The following PRUNE2 variants were observed in gnomAD, a reference collection of about 807,000 sequenced individuals.
PRUNE2 encodes prune homolog 2 with BCH domain.
In PRUNE2, 164 loss-of-function variants were observed where a neutral mutation model predicts 252.0. The observed-to-expected ratio is 0.65, with a 90% CI of 0.57 to 0.74. The LOEUF is 0.74. Ranked by LOEUF, PRUNE2 falls within the 30% of genes least tolerant of loss-of-function variation. The pLI, the probability that PRUNE2 is intolerant of heterozygous loss-of-function variation, is 0.00. For missense variants in PRUNE2, 3,495 were observed against 3,711.0 expected (o/e 0.94, Z 1.51); for synonymous variants, 1,292 against 1,350.2 (o/e 0.96, Z 0.94).
Position 76,666,053 on chromosome 9 carries a change from C to G in PRUNE2, c.8277-10551G>C, listed in dbSNP as rs368105523. Among the ~76,000 whole-genome samples the G allele has an allele frequency of 1.7e-3, 253 of 152,234 alleles. 3 individuals are homozygous for G. Among genetic ancestry groups the G allele is most frequent in the African/African-American group, 5.8e-3 (240 of 41,552 alleles). ...TAATCATAACCTAGGAAAAACCAGG[C>G]CATACAGTGATAGGAGCTGAGGGGA... On this transcript the variant is annotated intron_variant, in intron 9 of 18. Coordinates refer to ENST00000376718, the MANE Select transcript of PRUNE2 (RefSeq NM_015225.3).
rs530920701 is a variant in PRUNE2 at position 76,630,650 on chromosome 9, G to A, written c.9051-1360C>T. On this transcript the variant is annotated intron_variant, in intron 15 of 18. Transcript: ENST00000376718. ...CGCTATTCTCCTGCCTCAGCCTCCC[G>A]AGTAGCTGGGACTACAGGTGCCTGC... 2.1e-3 allele frequency among the ~76,000 whole-genome samples: 318 copies of A among 152,150 alleles called. 1 individual carries two copies. The highest frequency in any genetic ancestry group is 7.5e-3 in the African/African-American group (312 of 41,528).
intron 1 of PRUNE2, among the ~76,000 whole-genome samples, chr9:76,875,424 G>A (rs986382498): frequency 5.9e-5 from 9 of 152,108 alleles, no homozygotes; most frequent in African/African-American, 1.9e-4. Context: ...GGAGTGCAGC[G>A]GCATGATCTC....
In PRUNE2 at chr9:76,692,311, G is replaced by A. The variant is rs111498602; in HGVS notation, c.8276+11026C>T. ...TGCTGAGTTTCATTTGGGAATATAC[G>A]ATACCCTTTCACCCACGTTGTGGAG... is the stretch of plus-strand genomic sequence containing the variant. On this transcript the variant is annotated intron_variant, in intron 9 of 18. Coordinates refer to ENST00000376718, the MANE Select transcript of PRUNE2 (RefSeq NM_015225.3). 295 of 583,378 alleles carry A rather than the reference G, an allele frequency of 5.1e-4. 1 individual carries two copies. In the African/African-American group the frequency reaches 5.1e-3, roughly 10 times the overall value. 36.1% of individuals were successfully genotyped at this position (583,378 alleles called of 1,614,324 possible). A position where few individuals can be genotyped will look rare whatever the true frequency, so the allele number is the denominator to read the frequency against.
At chr9:76,616,249 G>A (rs1051224489) in intron 18 of PRUNE2, among the ~76,000 whole-genome samples, 6 of 152,018 alleles carry the variant, frequency 3.9e-5, no homozygotes, top group African/African-American at 1.4e-4. Context: ...CTGTGACCCC[G>A]ACATCTTTTT....
Position 76,709,924 on chromosome 9 carries a change from T to C in PRUNE2, c.2350A>G (p.Asn784Asp). Residue 784 changes from asparagine to aspartate, a missense_variant, in exon 8 of 19, where the codon AAT (asparagine) becomes GAT (aspartate). Physicochemically the swap from Asn to Asp is conservative, Grantham distance 23. Coordinates refer to ENST00000376718, the MANE Select transcript of PRUNE2 (RefSeq NM_015225.3). ...GCTGGTTCACCATCATCTGTAGGAT[T>C]TCCCCAGGGCTCGGGCATGGCTGTG... Reference protein sequence around the residue: ...SPTAMPEPWGNPTDDGEPAAV... With the variant: ...SPTAMPEPWGDPTDDGEPAAV... 1 of 1,613,890 alleles carries C rather than the reference T, an allele frequency of 6.2e-7. No homozygotes were observed. Among genetic ancestry groups the C allele is most frequent in the African/African-American group, 1.3e-5 (1 of 75,048 alleles).
Position 76,705,148 on chromosome 9 carries a change from C to G in PRUNE2, c.7126G>C (p.Gly2376Arg). The G allele has an allele frequency of 6.2e-7, 1 of 1,614,000 alleles. No homozygotes were observed. The change falls in exon 8 of 19, where the codon GGT (glycine) becomes CGT (arginine). Residue 2376 changes from glycine (G) to arginine (R), a missense_variant. By Grantham distance (125) the Gly-to-Arg change is moderately radical. Coordinates refer to ENST00000376718, the MANE Select transcript of PRUNE2 (RefSeq NM_015225.3). ...LREPEHFLYG[G>R]DPPLEEDSLK... Reference sequence around the variant, plus strand: ...GAATCTTCCTCCAAAGGAGGGTCACCACCATACAGGAAGTGTTCAGGCTCT... The same window carrying G: ...GAATCTTCCTCCAAAGGAGGGTCACGACCATACAGGAAGTGTTCAGGCTCT...
Position 76,710,580 on chromosome 9 carries a change from T to C in PRUNE2, c.1694A>G (p.Glu565Gly), listed in dbSNP as rs758373372. Residue 565 changes from glutamate to glycine, a missense_variant, in exon 8 of 19, where the codon GAA becomes GGA. Physicochemically the swap from Glu to Gly is moderately conservative, Grantham distance 98 (BLOSUM62 -2). Coordinates refer to ENST00000376718, the MANE Select transcript of PRUNE2 (RefSeq NM_015225.3). ...LSGAGKDSLV[E>G]HDEEFVQRQD... Reference sequence around the variant, plus strand: ...TCTCTGGACAAACTCCTCATCATGTTCCACAAGGCTATCTTTGCCAGCCCC... The same window carrying C: ...TCTCTGGACAAACTCCTCATCATGTCCCACAAGGCTATCTTTGCCAGCCCC... The C allele has an allele frequency of 6.8e-6, 11 of 1,613,902 alleles. No individual in the cohort carries two copies. Among genetic ancestry groups the C allele is most frequent in the Non-Finnish European group, 9.3e-6 (11 of 1,179,836 alleles).
intron 1 of PRUNE2, among the ~76,000 whole-genome samples, chr9:76,860,145 G>GGT (rs1351946666): frequency 2.6e-5 from 4 of 152,124 alleles, no homozygotes; most frequent in Non-Finnish European, 5.9e-5. Flanking sequence ...AGGACCAGGG[G>GGT]GTGTTTCTCA....
At position 76,707,170 on chromosome 9, in the gene PRUNE2, T is replaced by A. The variant is rs1021626093; in HGVS notation, c.5104A>T (p.Ile1702Phe). Residue 1702 changes from isoleucine (I) to phenylalanine (F), a missense_variant, in exon 8 of 19, where the codon ATC becomes TTC. Coordinates refer to ENST00000376718, the MANE Select transcript of PRUNE2 (RefSeq NM_015225.3). The stretch of plus-strand genomic sequence containing the variant: ...GCAACGTGGCAGTTGGCCACCTGGA[T>A]CTCTTCCTCTATTGACTCTTCACCA... ...VGGEESIEEE[I>F]QVANCHVAED... 3.5e-5 allele frequency: 56 copies of A among 1,613,850 alleles called. No individual in the cohort carries two copies. The highest frequency in any genetic ancestry group is 4.7e-5 in the Non-Finnish European group (56 of 1,179,878).
Position 76,884,992 on chromosome 9 carries a change from A to G in PRUNE2, c.36+20936T>C, listed in dbSNP as rs112291844. Among the ~76,000 whole-genome samples, 34 of 152,368 alleles carry G rather than the reference A, an allele frequency of 2.2e-4. 1 individual carries two copies. The highest frequency in any genetic ancestry group is 8.2e-4 in the African/African-American group (34 of 41,586). ...AACCTAACCACCAGTAAGAGGAAAC[A>G]GAAACAGAATCACTGAAGAGGTGTG... is the stretch of plus-strand genomic sequence containing the variant. On this transcript the variant is annotated intron_variant, in intron 1 of 18. Coordinates refer to ENST00000376718, the MANE Select transcript of PRUNE2 (RefSeq NM_015225.3).
intron 9 of PRUNE2, among the ~76,000 whole-genome samples, chr9:76,688,188 A>T (rs2044303433): frequency 6.6e-6 from 1 of 152,122 alleles, no homozygotes; most frequent in African/African-American, 2.4e-5. Context: ...AAACGTCACC[A>T]TCCTCTTCAC....
At position 76,877,999 on chromosome 9, in the gene PRUNE2, C is replaced by G. The variant is rs116050550; in HGVS notation, c.37-23791G>C. 8.5e-3 allele frequency among the ~76,000 whole-genome samples: 1,298 copies of G among 152,318 alleles called. 26 individuals carry two copies. Among genetic ancestry groups the G allele is most frequent in the African/African-American group, 0.03 (1,240 of 41,562 alleles). ...GTAGTGTTATCAATAGATTCCAGAG[C>G]TGATCAAGCAAGGCAGAGGTAGGAA... On this transcript the variant is annotated intron_variant, in intron 1 of 18. Transcript: ENST00000376718.
At chr9:76,681,273 G>A (rs2043395717) in intron 9 of PRUNE2, among the ~76,000 whole-genome samples, 1 of 152,122 alleles carries the variant, frequency 6.6e-6, no homozygotes, top group African/African-American at 2.4e-5. Flanking sequence ...AATGGTGGTT[G>A]CCAGGGGCCG....
chr9:76,877,706 G>A (rs564900131), intron 1 of PRUNE2, among the ~76,000 whole-genome samples: 4 of 152,244 alleles, frequency 2.6e-5, no homozygotes, highest in African/African-American at 4.8e-5. Flanking sequence ...ATCAAGCATC[G>A]GTGAATGAAT....
intron 9 of PRUNE2, among the ~76,000 whole-genome samples, chr9:76,676,782 C>CGATGT (rs2042662657): frequency 6.6e-6 from 1 of 152,198 alleles, no homozygotes; most frequent in Non-Finnish European, 1.5e-5. Context: ...GATGTCACAT[C>CGATGT]CACTGCCACA....
chr9:76,676,244 TAAAA>T (rs57084757), intron 9 of PRUNE2, among the ~76,000 whole-genome samples: 1 of 143,912 alleles, frequency 6.9e-6, no homozygotes, highest in Non-Finnish European at 1.5e-5. Context: ...GTGAAAACAT[TAAAA>T]AAAAAAAAAT....
At chr9:76,672,599 C>A (rs1334712906) in intron 9 of PRUNE2, among the ~76,000 whole-genome samples, 8 of 129,178 alleles carry the variant, frequency 6.2e-5, no homozygotes, top group Non-Finnish European at 1.3e-4. Flanking sequence ...ACAGAATATA[C>A]ATTTTTTTCA....
chr9:76,816,030 C>T (rs182677422), intron 6 of PRUNE2, among the ~76,000 whole-genome samples: 45 of 151,870 alleles, frequency 3.0e-4, no homozygotes, highest in African/African-American at 9.2e-4. Flanking sequence ...GTCGTGGTGG[C>T]GGGCACCTGT....
intron 1 of PRUNE2, among the ~76,000 whole-genome samples, chr9:76,884,995 AAC>A (rs1433985467): frequency 2.0e-5 from 3 of 152,226 alleles, no homozygotes; most frequent in African/African-American, 7.2e-5. Flanking sequence ...AGGAAACAGA[AAC>A]AGAATCACTG....
Sources: allele counts gnomAD v4.1 joint callset (sites outside exome capture counted in the v4.1 genomes callset), GRCh38; gene constraint gnomAD v4.1.1; transcripts MANE v1.5; gene names NCBI Gene and HGNC (gene_info 2026-07-23, HGNC 2026-07-21).